PTPN14: variants seen among roughly 807,000 people sequenced by gnomAD.
PTPN14 encodes tyrosine-protein phosphatase non-receptor type 14.
PTPN14 carries 53 observed loss-of-function variants against 126.8 expected under a neutral mutation model. The observed-to-expected ratio is 0.42, with a 90% confidence interval of 0.34 to 0.53. The LOEUF is 0.53. Ranked by LOEUF, PTPN14 falls within the 20% of genes least tolerant of loss-of-function variation. The pLI is 0.08. For synonymous variants in PTPN14, 630 were observed against 599.3 expected (o/e 1.05, Z -0.75); for missense variants, 1,257 against 1,552.9 (o/e 0.81, Z 3.20).
At chr1:214,496,070 A>C (rs1289743155) in intron 1 of PTPN14, among the ~76,000 whole-genome samples, 10 of 151,796 alleles carry the variant, frequency 6.6e-5, no homozygotes, top group Non-Finnish European at 1.5e-5. Context: ...ACAAAAAAAA[A>C]CTCTCCTGGC....
chr1:214,490,636 C>T (rs533257045), intron 1 of PTPN14, among the ~76,000 whole-genome samples: 9 of 151,696 alleles, frequency 5.9e-5, no homozygotes, highest in African/African-American at 1.2e-4. Context: ...CAGAAGTTCA[C>T]GACCAGCCTA....
chr1:214,428,079 C>A (rs1488846303), intron 3 of PTPN14, among the ~76,000 whole-genome samples: 2 of 152,102 alleles, frequency 1.3e-5, no homozygotes, highest in African/African-American at 4.8e-5. Flanking sequence ...TAAACAGGCA[C>A]CCATTTTACA....
At chr1:214,409,533 T>A (rs1659250041) in intron 5 of PTPN14, among the ~76,000 whole-genome samples, 1 of 152,094 alleles carries the variant, frequency 6.6e-6, no homozygotes, top group Admixed American at 6.5e-5. Context: ...ATCATGGGAG[T>A]GTAGACATCT....
At chr1:214,545,090 G>A (rs996281652) in intron 1 of PTPN14, among the ~76,000 whole-genome samples, 5 of 152,100 alleles carry the variant, frequency 3.3e-5, no homozygotes, top group Non-Finnish European at 7.3e-5. Context: ...CAGCAGATGG[G>A]TATGAGAAGA....
At chr1:214,426,972 G>T (rs540658084) in intron 3 of PTPN14, among the ~76,000 whole-genome samples, 1 of 152,016 alleles carries the variant, frequency 6.6e-6, no homozygotes, top group Admixed American at 6.6e-5. Context: ...ATCTCAGCAG[G>T]CTTCTCCTAA....
chr1:214,534,406 A>G (rs1396886421), intron 1 of PTPN14, among the ~76,000 whole-genome samples: 1 of 152,208 alleles, frequency 6.6e-6, no homozygotes, highest in Middle Eastern at 3.2e-3. Context: ...TAAATAACCA[A>G]TCGTGGTATA....
At chr1:214,389,931 T>C (rs1382398600) in intron 11 of PTPN14, among the ~76,000 whole-genome samples, 1 of 152,224 alleles carries the variant, frequency 6.6e-6, no homozygotes, top group African/African-American at 2.4e-5. Flanking sequence ...TTGTGCATAA[T>C]ACTGAGAGAA....
intron 15 of PTPN14, among the ~76,000 whole-genome samples, chr1:214,375,858 C>T (rs184157754): frequency 2.0e-5 from 3 of 152,264 alleles, no homozygotes; most frequent in South Asian, 2.1e-4. Flanking sequence ...ATGTCAGTAA[C>T]GCAATACCTG....
At chr1:214,536,715 A>G (rs11120348) in intron 1 of PTPN14, among the ~76,000 whole-genome samples, 5,860 of 152,224 alleles carry the variant, frequency 0.038, 201 homozygotes, top group African/African-American at 0.1. Flanking sequence ...ATCTTGTCTC[A>G]AAAAAATAAA....
Position 214,350,498 on chromosome 1 carries a change from G to A in PTPN14, c.*7424C>T, listed in dbSNP as rs1284163119. 1 of 147,288 alleles carries A rather than the reference G, an allele frequency of 6.8e-6. No individual in the cohort carries two copies. Among genetic ancestry groups the A allele is most frequent in the African/African-American group, 2.5e-5 (1 of 39,954 alleles). 9.1% of individuals were successfully genotyped at this position (147,288 alleles called of 1,614,324 possible). A position where few individuals can be genotyped will look rare whatever the true frequency, so the allele number is the denominator to read the frequency against. ...AGCTTCCTGCTTGCTGAGTTTTCTA[G>A]CTATTTTCATTCTGGTTATTTTCAT... is the stretch of plus-strand genomic sequence containing the variant. On this transcript the variant is annotated 3_prime_UTR_variant, in exon 19 of 19. Transcript: ENST00000366956.
At chr1:214,409,340 G>A (rs144296182) in intron 5 of PTPN14, among the ~76,000 whole-genome samples, 1 of 152,166 alleles carries the variant, frequency 6.6e-6, no homozygotes, top group Non-Finnish European at 1.5e-5. Context: ...TTGTCTTTCT[G>A]TGCCTGGATT....
rs1657737105 is a variant in PTPN14 at position 214,353,113 on chromosome 1, G to A, written c.*4809C>T. The stretch of plus-strand genomic sequence containing the variant: ...TCCCCCCAACCCCCGCACCTCAAGG[G>A]ATTGACAGATCTTCCCCAAACGAAA... On this transcript the variant is annotated 3_prime_UTR_variant, in exon 19 of 19. Coordinates refer to ENST00000366956, the MANE Select transcript of PTPN14 (RefSeq NM_005401.5). The A allele has an allele frequency of 6.6e-6, 1 of 152,106 alleles. No homozygotes were observed. Among genetic ancestry groups the A allele is most frequent in the East Asian group, 1.9e-4 (1 of 5,192 alleles). The allele number at this position is 152,106 out of a possible 1,614,324, so 9.4% of individuals were successfully genotyped here. A position where few individuals can be genotyped will look rare whatever the true frequency, so the allele number is the denominator to read the frequency against.
chr1:214,366,294 C>A (rs888412325), intron 17 of PTPN14, among the ~76,000 whole-genome samples: 1 of 152,044 alleles, frequency 6.6e-6, no homozygotes, highest in Non-Finnish European at 1.5e-5. Flanking sequence ...AATTTTTCTG[C>A]GAGGGGGAAA....
At chr1:214,538,199 G>A (rs1200905450) in intron 1 of PTPN14, among the ~76,000 whole-genome samples, 1 of 152,144 alleles carries the variant, frequency 6.6e-6, no homozygotes. Flanking sequence ...TAGACAAAAG[G>A]AAAGAATGAA....
At chr1:214,529,003 T>C (rs1655472473) in intron 1 of PTPN14, 3 of 151,876 alleles carry the variant, frequency 2.0e-5, no homozygotes, top group African/African-American at 7.3e-5. Context: ...CCACAGCCTA[T>C]GTAAGTCAAG....
At chr1:214,536,216 T>C (rs570321775) in intron 1 of PTPN14, among the ~76,000 whole-genome samples, 1 of 152,164 alleles carries the variant, frequency 6.6e-6, no homozygotes, top group African/African-American at 2.4e-5. Context: ...GAGACCAGCC[T>C]GGGCAACATG....
rs944942513 is a variant in PTPN14, at chr1:214,364,020, C to T, written c.3435+492G>A. ...GTATCTACTCTGCTCCGCTACACCA[C>T]GCAACAACCAGACTAGACAAGCAAA... On this transcript the variant is annotated intron_variant, in intron 18 of 18. Coordinates refer to ENST00000366956, the MANE Select transcript of PTPN14 (RefSeq NM_005401.5). This position sits in a 1 kb window ranked among gnomAD's most constrained non-coding sequence, Gnocchi z 4.1. 6.6e-6 allele frequency among the ~76,000 whole-genome samples: 1 copy of T among 152,156 alleles called. No homozygotes were observed. Among genetic ancestry groups the T allele is most frequent in the Non-Finnish European group, 1.5e-5 (1 of 68,044 alleles).
intron 2 of PTPN14, among the ~76,000 whole-genome samples, chr1:214,452,529 T>A (rs59554323): frequency 0.085 from 12,895 of 152,188 alleles, 1,877 homozygotes; most frequent in African/African-American, 0.29. Context: ...TTCCACTTTA[T>A]TATACACGAA....
chr1:214,490,309 C>A (rs1437803109), intron 1 of PTPN14, among the ~76,000 whole-genome samples: 50 of 152,198 alleles, frequency 3.3e-4, no homozygotes, highest in Admixed American at 3.1e-3. Context: ...GGAATTGATA[C>A]CCCAGCTGAG....
Sources: gnomAD v4.1 joint callset for allele counts (sites outside exome capture counted in the v4.1 genomes callset) on GRCh38, gnomAD v4.1.1 for gene constraint, Gnocchi (gnomAD v3.1) non-coding constraint, MANE v1.5 for transcripts, NCBI Gene and HGNC (gene_info 2026-07-23, HGNC 2026-07-21) for gene names.